SH3D19: variants seen among roughly 807,000 people sequenced by gnomAD.
The protein encoded by SH3D19 is SH3 domain containing 19, also known as SH3 domain-containing protein 19.
A neutral mutation model predicts 112.1 loss-of-function variants in SH3D19; 58 were observed. That is an observed-to-expected ratio of 0.52 (90% CI 0.42 to 0.64). The LOEUF is 0.64. Among genes scored for constraint, SH3D19 ranks in the 30% least tolerant of loss-of-function variants. The pLI, the probability that SH3D19 is intolerant of heterozygous loss-of-function variation, is 0.00. For missense variants in SH3D19, 1,090 were observed against 1,263.4 expected (o/e 0.86, Z 2.08); for synonymous variants, 391 against 448.5 (o/e 0.87, Z 1.62).
chr4:151,209,616 C>T (rs776097116), intron 2 of SH3D19, among the ~76,000 whole-genome samples: 3 of 152,162 alleles, frequency 2.0e-5, no homozygotes, highest in Non-Finnish European at 2.9e-5. Context: ...TTGGATTGCC[C>T]TAGAAAGCCT....
chr4:151,159,328 G>A lies in SH3D19; in HGVS notation c.1667C>T (p.Pro556Leu). The A allele has an allele frequency of 6.3e-7, 1 of 1,581,882 alleles. No homozygotes were observed. Among genetic ancestry groups the A allele is most frequent in the Non-Finnish European group, 8.6e-7 (1 of 1,168,136 alleles). ...AGGTTTTTCAGCAGGGAGAGGAGGT[G>A]GACTTTGTGGATCCTCATGTAAACC... ...GKCLHEDPQS[P>L]PPLPAEKPIG... The change falls in exon 9 of 20, where the codon CCA (proline) becomes CTA (leucine). Residue 556 changes from proline to leucine, a missense_variant. Coordinates refer to ENST00000604030, the MANE Select transcript of SH3D19 (RefSeq NM_001378122.1).
Position 151,317,178 on chromosome 4 carries a change from G to A in SH3D19, c.112+8063C>T, listed in dbSNP as rs536773761. ...CCCTTTGGCTTCTCCCACACCAGTG[G>A]AGCAGTTCACAAGGAGCCTGGGAGA... is the stretch of plus-strand genomic sequence containing the variant. On this transcript the variant is annotated intron_variant, in intron 1 of 19. Coordinates refer to ENST00000604030, the MANE Select transcript of SH3D19 (RefSeq NM_001378122.1). Among the ~76,000 whole-genome samples, 6 of 152,288 alleles carry A rather than the reference G, an allele frequency of 3.9e-5. No individual in the cohort carries two copies. The South Asian group carries it at 1.2e-3, about 32-fold the overall frequency.
intron 1 of SH3D19, among the ~76,000 whole-genome samples, chr4:151,305,531 T>C (rs1342738640): frequency 6.6e-6 from 1 of 152,218 alleles, no homozygotes; most frequent in Non-Finnish European, 1.5e-5. Context: ...AGATGACATA[T>C]GGATAGCAAT....
chr4:151,174,243 G>C (rs985260757), intron 7 of SH3D19, among the ~76,000 whole-genome samples: 1 of 152,132 alleles, frequency 6.6e-6, no homozygotes, highest in Non-Finnish European at 1.5e-5. Context: ...TCCCATCTAA[G>C]AGAAGCTTCC....
At chr4:151,189,211 T>C in intron 2 of SH3D19, among the ~76,000 whole-genome samples, 1 of 152,084 alleles carries the variant, frequency 6.6e-6, no homozygotes, top group Non-Finnish European at 1.5e-5. Flanking sequence ...CCTCCCGGGT[T>C]CACACCATTC....
At chr4:151,148,847 G>T (rs1231772866) in intron 10 of SH3D19, among the ~76,000 whole-genome samples, 2 of 152,008 alleles carry the variant, frequency 1.3e-5, no homozygotes, top group East Asian at 3.9e-4. Context: ...AGAACATCCT[G>T]GCCAACATGG....
At chr4:151,277,031 C>G (rs1186069946) in intron 1 of SH3D19, 1 of 503,910 alleles carries the variant, frequency 2.0e-6, no homozygotes, top group Non-Finnish European at 3.1e-6. Flanking sequence ...GATCTGGCAG[C>G]GGGTGAAGAC....
At chr4:151,304,880 G>C (rs544172510) in intron 1 of SH3D19, among the ~76,000 whole-genome samples, 113 of 152,214 alleles carry the variant, frequency 7.4e-4, no homozygotes, top group Non-Finnish European at 1.5e-3. Context: ...CTTGTAAACT[G>C]CCTGTCTGAG....
chr4:151,127,845 G>A (rs1282824319), intron 18 of SH3D19, 130 bp from the exon 19 acceptor site: 1 of 488,610 alleles, frequency 2.0e-6, no homozygotes, highest in Non-Finnish European at 3.5e-6. Context: ...GTGATATTAG[G>A]CAAAGAAAAA....
At chr4:151,193,978 C>A (rs1228462097) in intron 2 of SH3D19, among the ~76,000 whole-genome samples, 1 of 150,784 alleles carries the variant, frequency 6.6e-6, no homozygotes, top group Non-Finnish European at 1.5e-5. Flanking sequence ...AAAATCTAAT[C>A]CTCTCTTTTC....
At chr4:151,278,257 T>C (rs1773840699) in intron 1 of SH3D19, among the ~76,000 whole-genome samples, 1 of 152,080 alleles carries the variant, frequency 6.6e-6, no homozygotes, top group African/African-American at 2.4e-5. Flanking sequence ...AAAGCTAAAT[T>C]TGAATCTTCA....
intron 11 of SH3D19, among the ~76,000 whole-genome samples, chr4:151,146,611 C>A (rs1206840770): frequency 6.6e-6 from 1 of 152,228 alleles, no homozygotes; most frequent in Non-Finnish European, 1.5e-5. Flanking sequence ...CGGCTCACTG[C>A]AACCTCTGCC....
At chr4:151,170,621 A>T (rs1758882470) in intron 7 of SH3D19, 2 of 152,186 alleles carry the variant, frequency 1.3e-5, no homozygotes, top group Non-Finnish European at 2.9e-5. Flanking sequence ...TATTTTAAAA[A>T]TTTTTACTTA....
At chr4:151,285,889 A>G (rs1044195907) in intron 1 of SH3D19, among the ~76,000 whole-genome samples, 1 of 151,796 alleles carries the variant, frequency 6.6e-6, no homozygotes, top group African/African-American at 2.4e-5. Flanking sequence ...AAATATATAT[A>G]TACATAAATA....
intron 1 of SH3D19, among the ~76,000 whole-genome samples, chr4:151,317,955 C>T (rs1730154428): frequency 6.6e-6 from 1 of 151,368 alleles, no homozygotes; most frequent in African/African-American, 2.4e-5. Flanking sequence ...TGTGCCACTG[C>T]ACTCCAGCCT....
At chr4:151,164,854 C>A (rs922103007) in intron 8 of SH3D19, among the ~76,000 whole-genome samples, 6 of 151,984 alleles carry the variant, frequency 3.9e-5, no homozygotes, top group African/African-American at 1.2e-4. Flanking sequence ...CTGGGATTAC[C>A]GGCATCAACC....
chr4:151,197,833 TTAAA>T (rs1763701977), intron 2 of SH3D19, among the ~76,000 whole-genome samples: 2 of 152,178 alleles, frequency 1.3e-5, no homozygotes, highest in South Asian at 4.1e-4. Context: ...AAAATATTAA[TTAAA>T]TGACATTTCT....
chr4:151,280,078 G>A, intron 1 of SH3D19: 4 of 1,218,122 alleles, frequency 3.3e-6, no homozygotes, highest in Non-Finnish European at 4.6e-6. Flanking sequence ...GGAAACCCAG[G>A]TCATGTCAGA....
intron 1 of SH3D19, among the ~76,000 whole-genome samples, chr4:151,308,688 T>A (rs1375394232): frequency 6.6e-6 from 1 of 152,176 alleles, no homozygotes; most frequent in African/African-American, 2.4e-5. Flanking sequence ...GACAGCCAAT[T>A]ATTTAGTACC....
Sources: allele counts gnomAD v4.1 joint callset (sites outside exome capture counted in the v4.1 genomes callset), GRCh38; gene constraint gnomAD v4.1.1; transcripts MANE v1.5; gene names NCBI Gene and HGNC (gene_info 2026-07-23, HGNC 2026-07-21).